Variants in ANK2 observed in about 807,000 individuals in gnomAD.
ANK2 encodes ankyrin-2.
Under a neutral mutation model 360.5 loss-of-function variants are expected in ANK2, and 83 were observed. The observed-to-expected ratio is 0.23, with a 90% CI of 0.19 to 0.28. The LOEUF is 0.28. Among genes scored for constraint, ANK2 ranks in the 10% least tolerant of loss-of-function variants. The pLI is 1.00. For synonymous variants in ANK2, 1,740 were observed against 1,759.5 expected, an observed-to-expected ratio of 0.99 and a Z score of 0.28; for missense variants, 4,201 against 4,795.7, an observed-to-expected ratio of 0.88 and a Z score of 3.66.
chr4:113,060,679 CTTTT>C (rs58946073), intron 1 of ANK2, among the ~76,000 whole-genome samples: 53 of 89,344 alleles, frequency 5.9e-4, no homozygotes, highest in African/African-American at 8.8e-4. Flanking sequence ...ATCTAAAAAG[CTTTT>C]TTTTTTTTTT....
intron 1 of ANK2, among the ~76,000 whole-genome samples, chr4:113,071,546 T>C (rs903317612): frequency 6.6e-6 from 1 of 152,206 alleles, no homozygotes; most frequent in African/African-American, 2.4e-5. Flanking sequence ...TCCAGATTTA[T>C]TCTTTCCTTG....
intron 11 of ANK2, among the ~76,000 whole-genome samples, chr4:113,257,247 G>A (rs763869999): frequency 6.6e-6 from 1 of 152,132 alleles, no homozygotes; most frequent in Non-Finnish European, 1.5e-5. Context: ...TACACGATGA[G>A]TAAGCACCGG....
chr4:112,950,512 C>CGG (rs1250115080), intron 2 of ANK2, among the ~76,000 whole-genome samples: 1 of 151,566 alleles, frequency 6.6e-6, no homozygotes, highest in Non-Finnish European at 1.5e-5. Context: ...GGCATGGTGG[C>CGG]ATGCACCTGT....
intron 2 of ANK2, among the ~76,000 whole-genome samples, chr4:112,916,127 G>A (rs538327782): frequency 5.3e-5 from 8 of 152,246 alleles, no homozygotes; most frequent in Middle Eastern, 3.4e-3. Flanking sequence ...AGCTTAAACA[G>A]GACCATTTAC....
intron 1 of ANK2, among the ~76,000 whole-genome samples, chr4:112,844,262 A>G (rs1389650103): frequency 6.6e-6 from 1 of 152,242 alleles, no homozygotes; most frequent in Non-Finnish European, 1.5e-5. Flanking sequence ...ACCTGGGTTC[A>G]TGATTGGACT....
intron 24 of ANK2, among the ~76,000 whole-genome samples, chr4:113,314,650 G>A (rs146192191): frequency 3.9e-5 from 6 of 152,060 alleles, no homozygotes; most frequent in Non-Finnish European, 8.8e-5. Context: ...TGATCCAAGG[G>A]CTTAAATTAT....
At chr4:112,768,831 A>G in the ANK2 span, among the ~76,000 whole-genome samples, 1 of 152,170 alleles carries the variant, frequency 6.6e-6, no homozygotes, top group South Asian at 2.1e-4. Context: ...AATTATCTCA[A>G]AAGGTTTGGA....
intron 1 of ANK2, among the ~76,000 whole-genome samples, chr4:112,890,759 G>GT (rs1372817715): frequency 6.6e-6 from 1 of 151,636 alleles, no homozygotes; most frequent in Admixed American, 6.6e-5. Context: ...TAGAGACAGG[G>GT]TTTTTCCATG....
At chr4:112,771,354 G>GT in the ANK2 span, among the ~76,000 whole-genome samples, 1 of 152,118 alleles carries the variant, frequency 6.6e-6, no homozygotes, top group African/African-American at 2.4e-5. Context: ...CCGATCTCAG[G>GT]TGATCTGCCT....
At chr4:113,374,925 A>G (rs1208706409) in intron 45 of ANK2, 1 of 1,220,852 alleles carries the variant, frequency 8.2e-7, no homozygotes, top group Non-Finnish European at 1.0e-6. Flanking sequence ...ATCTTCCTTC[A>G]GCCAAAGATG....
chr4:113,145,743 G>A (rs1370875325), intron 1 of ANK2: 1 of 1,173,364 alleles, frequency 8.5e-7, no homozygotes, highest in Non-Finnish European at 1.1e-6. Context: ...GGGCGTGGAA[G>A]GGAACTGAGC....
At chr4:112,802,454 C>T in the ANK2 span, among the ~76,000 whole-genome samples, 17 of 152,220 alleles carry the variant, frequency 1.1e-4, no homozygotes, top group South Asian at 8.3e-4. Flanking sequence ...TGCTCCTTCC[C>T]ATTCATTTCA....
At chr4:112,980,509 C>T (rs1213207501) in intron 2 of ANK2, 1 of 152,280 alleles carries the variant, frequency 6.6e-6, no homozygotes, top group Non-Finnish European at 1.5e-5. Context: ...TGGGCTGTCT[C>T]TGCCATCAAC....
At chr4:113,114,103 C>G (rs1040352631) in intron 1 of ANK2, among the ~76,000 whole-genome samples, 2 of 152,094 alleles carry the variant, frequency 1.3e-5, no homozygotes, top group African/African-American at 4.8e-5. Context: ...ATTTTGTTTA[C>G]AAATATTTAT....
At chr4:113,080,957 A>G (rs2082179802) in intron 1 of ANK2, among the ~76,000 whole-genome samples, 1 of 152,248 alleles carries the variant, frequency 6.6e-6, no homozygotes, top group Admixed American at 6.5e-5. Context: ...TTAATCTACT[A>G]GTCACAAGTG....
At chr4:112,810,124 T>G in the ANK2 span, among the ~76,000 whole-genome samples, 1 of 38,680 alleles carries the variant, frequency 2.6e-5, no homozygotes, top group Non-Finnish European at 4.1e-5. Context: ...TAATTTTTTG[T>G]GTATATATAT....
chr4:112,918,884 T>C (rs1236672047), intron 2 of ANK2, among the ~76,000 whole-genome samples: 1 of 152,224 alleles, frequency 6.6e-6, no homozygotes, highest in Non-Finnish European at 1.5e-5. Flanking sequence ...GTGGAATTCA[T>C]GTTTGCATAT....
chr4:112,794,642 C>G, the ANK2 span, among the ~76,000 whole-genome samples: 1 of 152,006 alleles, frequency 6.6e-6, no homozygotes, highest in Non-Finnish European at 1.5e-5. Flanking sequence ...TTTTTTGAGC[C>G]AAGGGAGGTA....
chr4:112,831,772 C>T (rs1046062522), intron 1 of ANK2, among the ~76,000 whole-genome samples: 1 of 152,194 alleles, frequency 6.6e-6, no homozygotes, highest in Non-Finnish European at 1.5e-5. Flanking sequence ...GTAACAGTCA[C>T]TGTGAAGGTC....
Sources: gnomAD v4.1 joint callset for allele counts (sites outside exome capture counted in the v4.1 genomes callset) on GRCh38, gnomAD v4.1.1 for gene constraint, MANE v1.5 for transcripts, NCBI Gene and HGNC (gene_info 2026-07-23, HGNC 2026-07-21) for gene names.